The following COL7A1 variants were observed in gnomAD, a reference collection of about 807,000 sequenced individuals.
The protein encoded by COL7A1 is collagen alpha-1(VII) chain.
In COL7A1, 296 loss-of-function variants were observed where a neutral mutation model predicts 456.2. That is an observed-to-expected ratio of 0.65 (90% CI 0.59 to 0.71). COL7A1 has a LOEUF of 0.71. Among genes scored for constraint, COL7A1 ranks in the 30% least tolerant of loss-of-function variants. The pLI is 0.00. For synonymous variants in COL7A1, 1,464 were observed against 1,525.9 expected, an observed-to-expected ratio of 0.96 and a Z score of 0.95; for missense variants, 3,441 against 4,017.2, an observed-to-expected ratio of 0.86 and a Z score of 3.88.
chr3:48,574,582 A>G lies in COL7A1; in HGVS notation c.6394-32T>C, dbSNP rs2044162880. ...GCAGAGTGTCGTGCCCTGAGCCCCCAGTCCCTGCCACGTGCCCAGGTGCAT... is the reference window on the plus strand; with the variant it reads ...GCAGAGTGTCGTGCCCTGAGCCCCCGGTCCCTGCCACGTGCCCAGGTGCAT... On this transcript the variant is annotated intron_variant, in intron 78 of 118. Coordinates refer to ENST00000681320, the MANE Select transcript of COL7A1 (RefSeq NM_000094.4). This position sits in a 1 kb window ranked among gnomAD's most constrained non-coding sequence, Gnocchi z 5.0. 5.0e-6 allele frequency: 8 copies of G among 1,613,810 alleles called. No homozygotes were observed. Among genetic ancestry groups the G allele is most frequent in the South Asian group, 1.1e-5 (1 of 91,082 alleles).
chr3:48,583,746 A>G lies in COL7A1; in HGVS notation c.4313T>C (p.Val1438Ala), dbSNP rs756779858. 1.9e-6 allele frequency: 3 copies of G among 1,613,762 alleles called. No individual in the cohort carries two copies. In the South Asian group the frequency reaches 3.3e-5, roughly 18 times the overall value. Residue 1438 changes from valine (V) to alanine (A), a missense_variant, in exon 40 of 119, where the codon GTT becomes GCT. Val to Ala is a moderately conservative substitution (Grantham distance 64). Around this residue, in one of 3 missense-constraint regions of COL7A1, gnomAD observed 2,084 missense variants for 2,501.3 expected, o/e 0.83. Transcript: ENST00000681320. This position sits in a 1 kb window ranked among gnomAD's most constrained non-coding sequence, Gnocchi z 5.1. ...LPGSPGPQGPVGPPGKKGEKG... is the reference protein window; with the variant it reads ...LPGSPGPQGPAGPPGKKGEKG... ...TTCTCCTTTCTTTCCAGGGGGGCCA[A>G]CGGGGCCTTGGGGTCCAGGGCTTCC...
Position 48,581,922 on chromosome 3 carries a change from T to C in COL7A1, c.4657A>G (p.Lys1553Glu), listed in dbSNP as rs774414690. The C allele has an allele frequency of 1.2e-6, 2 of 1,614,070 alleles. No individual in the cohort carries two copies. Among genetic ancestry groups the C allele is most frequent in the Admixed American group, 1.7e-5 (1 of 60,028 alleles). ...CATACCAGGCTTACCTTTTCTCCTT[T>C]GGGTCCAGCAACAGCAGGTCCCTGA... ...AVVGPAVAGPKGEKGDVGPAG... is the reference protein window; with the variant it reads ...AVVGPAVAGPEGEKGDVGPAG... The change falls in exon 48 of 119, where the codon AAA becomes GAA. Residue 1553 changes from lysine to glutamate, a missense_variant. By Grantham distance (56) the Lys-to-Glu change is moderately conservative. Coordinates refer to ENST00000681320, the MANE Select transcript of COL7A1 (RefSeq NM_000094.4). The surrounding 1 kb of genome is among the most constrained non-coding windows in gnomAD (Gnocchi z 5.8).
chr3:48,573,163 GACTC>G lies in COL7A1; in HGVS notation c.6714+7_6714+10del. ...ACGGTGTCCCTACAGGGGCCACAGG[GACTC>G]ACTCACCACAAGGCCTGAAGGGCCG... is the stretch of plus-strand genomic sequence containing the variant. On this transcript the variant is annotated splice_region_variant and intron_variant, in intron 85 of 118. Coordinates refer to ENST00000681320, the MANE Select transcript of COL7A1 (RefSeq NM_000094.4). The surrounding 1 kb of genome is among the most constrained non-coding windows in gnomAD (Gnocchi z 5.5). 1 of 1,614,032 alleles carries G rather than the reference GACTC, an allele frequency of 6.2e-7. No individual in the cohort carries two copies. The highest frequency in any genetic ancestry group is 8.5e-7 in the Non-Finnish European group (1 of 1,179,950).
chr3:48,584,938 G>C lies in COL7A1; in HGVS notation c.3983C>G (p.Pro1328Arg). ...GTCCCCACGAGGGCCAGGCAACCCT[G>C]GAGAGCCCTGCAAATGGAGGCCAGA... is the stretch of plus-strand genomic sequence containing the variant. ...TPGAPGLKGS[P>R]GLPGPRGDPG... Residue 1328 changes from proline (P) to arginine (R), a missense_variant, in exon 34 of 119, where the codon CCA becomes CGA. By Grantham distance (103) the Pro-to-Arg change is moderately radical. Coordinates refer to ENST00000681320, the MANE Select transcript of COL7A1 (RefSeq NM_000094.4). The C allele has an allele frequency of 6.2e-7, 1 of 1,613,960 alleles. No homozygotes were observed. The highest frequency in any genetic ancestry group is 8.5e-7 in the Non-Finnish European group (1 of 1,180,004).
chr3:48,572,495 A>G lies in COL7A1; in HGVS notation c.6936+8T>C, dbSNP rs374882140. The G allele has an allele frequency of 1.1e-4, 170 of 1,611,448 alleles. No individual in the cohort carries two copies. Among genetic ancestry groups the G allele is most frequent in the African/African-American group, 1.0e-3 (75 of 74,118 alleles). On this transcript the variant is annotated splice_region_variant and intron_variant, in intron 89 of 118. Transcript: ENST00000681320. This position sits in a 1 kb window ranked among gnomAD's most constrained non-coding sequence, Gnocchi z 4.6. ...CCCCCCCTCACTGGCAGCCCCACAC[A>G]CACTCACCTTCTCTCCCTTTGCTCC... is the stretch of plus-strand genomic sequence containing the variant.
rs776599696 is a variant in COL7A1 at position 48,579,660 on chromosome 3, A to G, written c.5163T>C (p.Pro1721=). 6.2e-7 allele frequency: 1 copy of G among 1,613,646 alleles called. No homozygotes were observed. Among genetic ancestry groups the G allele is most frequent in the Non-Finnish European group, 8.5e-7 (1 of 1,179,978 alleles). ...GAGGACCCTCTTGTCCGCGGTCCCC[A>G]GGCTCTCCCTGTGGCAGAGATAAGC... ...TGPGAREKGE[P]GDRGQEGPRG... is the part of the protein sequence containing the mutation. The change falls in exon 59 of 119, where the codon CCT becomes CCC. Residue 1721 remains proline, a synonymous_variant. Coordinates refer to ENST00000681320, the MANE Select transcript of COL7A1 (RefSeq NM_000094.4). This position sits in a 1 kb window ranked among gnomAD's most constrained non-coding sequence, Gnocchi z 4.4.
Position 48,575,389 on chromosome 3 carries a change from G to A in COL7A1, c.6130C>T (p.Leu2044Phe), listed in dbSNP as rs756037004. 3.7e-6 allele frequency: 6 copies of A among 1,610,670 alleles called. No homozygotes were observed. Among genetic ancestry groups the A allele is most frequent in the Admixed American group, 3.3e-5 (2 of 59,880 alleles). The change falls in exon 74 of 119, where the codon CTC becomes TTC. Residue 2044 changes from leucine to phenylalanine, a missense_variant. Leu to Phe is a conservative substitution (Grantham distance 22). Coordinates refer to ENST00000681320, the MANE Select transcript of COL7A1 (RefSeq NM_000094.4). This position sits in a 1 kb window ranked among gnomAD's most constrained non-coding sequence, Gnocchi z 6.3. ...CCCACACCCCCAGCCCTGCCTGGGA[G>A]CCCGGGAATACCAGGCTTTCCAGGC... The part of the protein sequence containing the change: ...GEPGKPGIPG[L>F]PGRAGGVGEA...
In COL7A1 at chr3:48,568,861, G is replaced by T; in HGVS notation, c.7687-6C>A. 1 of 1,570,282 alleles carries T rather than the reference G, an allele frequency of 6.4e-7. No individual in the cohort carries two copies. The highest frequency in any genetic ancestry group is 2.3e-5 in the East Asian group (1 of 42,968). On this transcript the variant is annotated splice_region_variant and splice_polypyrimidine_tract_variant and intron_variant, in intron 103 of 118. Coordinates refer to ENST00000681320, the MANE Select transcript of COL7A1 (RefSeq NM_000094.4). This position sits in a 1 kb window ranked among gnomAD's most constrained non-coding sequence, Gnocchi z 5.2. ...CCAGGCTCTCCCTTGCTGCCCTGTG[G>T]GAGTGACCAGGAGAGGGATTCAGTC...
chr3:48,594,458 C>G lies in COL7A1; in HGVS notation c.176G>C (p.Ser59Thr), dbSNP rs1261970889. Residue 59 changes from serine (S) to threonine (T), a missense_variant, in exon 3 of 119, where the codon AGC (serine) becomes ACC (threonine). This residue lies in a region of COL7A1 where 913 missense variants were observed against 1,088.2 expected (regional missense o/e 0.84). Coordinates refer to ENST00000681320, the MANE Select transcript of COL7A1 (RefSeq NM_000094.4). This position sits in a 1 kb window ranked among gnomAD's most constrained non-coding sequence, Gnocchi z 5.5. ...IGRSNFREVRSFLEGLVLPFS... is the reference protein window; with the variant it reads ...IGRSNFREVRTFLEGLVLPFS... ...AGGCAGCACCAGCCCTTCGAGAAAG[C>G]TGCGGACCTCGCGGAAATTGCTGCG... 1 of 1,612,326 alleles carries G rather than the reference C, an allele frequency of 6.2e-7. No homozygotes were observed. Among genetic ancestry groups the G allele is most frequent in the South Asian group, 1.1e-5 (1 of 91,014 alleles).
intron 35 of COL7A1, 61 bp downstream of exon 35, chr3:48,584,673 T>A (rs1190627214): frequency 1.2e-6 from 2 of 1,613,102 alleles, no homozygotes; most frequent in African/African-American, 2.7e-5. Flanking sequence ...CAGGGTCTGG[T>A]GTGGGGCAGT....
Position 48,593,068 on chromosome 3 carries a change from T to G in COL7A1, c.682+34A>C. ...CAAGTGGGGATTGGGGTCCGGGGTC[T>G]AGGTCAGGGTACACCGTGTGGGCAG... is the stretch of plus-strand genomic sequence containing the variant. On this transcript the variant is annotated intron_variant, in intron 6 of 118. Transcript: ENST00000681320. This position sits in a 1 kb window ranked among gnomAD's most constrained non-coding sequence, Gnocchi z 4.4. 6.2e-7 allele frequency: 1 copy of G among 1,613,970 alleles called. No individual in the cohort carries two copies. Among genetic ancestry groups the G allele is most frequent in the East Asian group, 2.2e-5 (1 of 44,872 alleles).
chr3:48,585,540 A>G lies in COL7A1; in HGVS notation c.3894+17T>C. On this transcript the variant is annotated intron_variant, in intron 32 of 118. Coordinates refer to ENST00000681320, the MANE Select transcript of COL7A1 (RefSeq NM_000094.4). This position sits in a 1 kb window ranked among gnomAD's most constrained non-coding sequence, Gnocchi z 4.5. ...TGAGGAGTGCCTCAGAGAAACCTCG[A>G]TGGTCTCCACACTCACCCTCTCGCC... 6.2e-7 allele frequency: 1 copy of G among 1,613,538 alleles called. No individual in the cohort carries two copies. Among genetic ancestry groups the G allele is most frequent in the Non-Finnish European group, 8.5e-7 (1 of 1,179,926 alleles).
Position 48,566,375 on chromosome 3 carries a change from G to C in COL7A1, c.8359-60C>G. The C allele has an allele frequency of 6.2e-7, 1 of 1,601,340 alleles. No individual in the cohort carries two copies. The highest frequency in any genetic ancestry group is 8.5e-7 in the Non-Finnish European group (1 of 1,171,244). The stretch of plus-strand genomic sequence containing the variant: ...CCATGGCCCACAGGAAGGACATAGG[G>C]CACATAATACAGGGACTATGGTGAG... On this transcript the variant is annotated intron_variant, in intron 113 of 118. Transcript: ENST00000681320. The surrounding 1 kb of genome is among the most constrained non-coding windows in gnomAD (Gnocchi z 5.9).
Position 48,569,763 on chromosome 3 carries a change from A to G in COL7A1, c.7522-3T>C, listed in dbSNP as rs778203075. The G allele has an allele frequency of 1.2e-6, 2 of 1,613,898 alleles. No individual in the cohort carries two copies. The highest frequency in any genetic ancestry group is 1.7e-6 in the Non-Finnish European group (2 of 1,179,978). On this transcript the variant is annotated splice_region_variant and splice_polypyrimidine_tract_variant and intron_variant, in intron 100 of 118. Coordinates refer to ENST00000681320, the MANE Select transcript of COL7A1 (RefSeq NM_000094.4). The surrounding 1 kb of genome is among the most constrained non-coding windows in gnomAD (Gnocchi z 4.9). ...AGTCCTGCACTCCCAACATCACCCTATTGGGCAAAAGAGTGTGAGTCCCGC... is the reference window on the plus strand; with the variant it reads ...AGTCCTGCACTCCCAACATCACCCTGTTGGGCAAAAGAGTGTGAGTCCCGC...
rs778443262 is a variant in COL7A1, at chr3:48,582,654, CT to C, written c.4519-2del. 9 of 1,613,362 alleles carry C rather than the reference CT, an allele frequency of 5.6e-6. No individual in the cohort carries two copies. In the East Asian group the frequency reaches 2.0e-4, roughly 36 times the overall value. ...GACGTCCAGCAACCCCTGGCAGCCC[CT>C]GGAGGAGAGGAAGGGAAGAGCTGTG... On this transcript the variant is annotated splice_acceptor_variant, in intron 44 of 118. Coordinates refer to ENST00000681320, the MANE Select transcript of COL7A1 (RefSeq NM_000094.4). LOFTEE classifies it high-confidence loss of function.
In COL7A1 at chr3:48,566,444, G is replaced by A; in HGVS notation, c.8358+66C>T. On this transcript the variant is annotated intron_variant, in intron 113 of 118. Coordinates refer to ENST00000681320, the MANE Select transcript of COL7A1 (RefSeq NM_000094.4). This position sits in a 1 kb window ranked among gnomAD's most constrained non-coding sequence, Gnocchi z 5.9. ...CCAGGGGTCAGGGTGCTGGGTGAGG[G>A]AGGTAGGGCCCCAGCCCACCCAGGC... 2 of 1,607,596 alleles carry A rather than the reference G, an allele frequency of 1.2e-6. No individual in the cohort carries two copies. Among genetic ancestry groups the A allele is most frequent in the Non-Finnish European group, 1.7e-6 (2 of 1,174,798 alleles).
Position 48,566,093 on chromosome 3 carries a change from C to T in COL7A1, c.8407+174G>A, listed in dbSNP as rs2043592535. Among the ~76,000 whole-genome samples, 1 of 152,190 alleles carries T rather than the reference C, an allele frequency of 6.6e-6. No individual in the cohort carries two copies. Among genetic ancestry groups the T allele is most frequent in the African/African-American group, 2.4e-5 (1 of 41,444 alleles). On this transcript the variant is annotated intron_variant, in intron 114 of 118. Coordinates refer to ENST00000681320, the MANE Select transcript of COL7A1 (RefSeq NM_000094.4). This position sits in a 1 kb window ranked among gnomAD's most constrained non-coding sequence, Gnocchi z 5.9. ...TGGCAATCCTCATCTGCCTGTGTGT[C>T]TCCCTCCACTGGGGACACATGTCAT...
At chr3:48,589,046 G>A (rs2045503977) in intron 18 of COL7A1, 51 bp from the exon 19 acceptor site, 2 of 1,612,166 alleles carry the variant, frequency 1.2e-6, no homozygotes, top group Non-Finnish European at 1.7e-6. Context: ...GAGAGGCAGT[G>A]CAGGAATGGT....
rs989893662 is a variant in COL7A1, at chr3:48,581,723, C to T, written c.4705G>A (p.Gly1569Arg). 6.8e-6 allele frequency: 11 copies of T among 1,614,074 alleles called. No individual in the cohort carries two copies. Among genetic ancestry groups the T allele is most frequent in the Non-Finnish European group, 6.8e-6 (8 of 1,180,012 alleles). Residue 1569 changes from glycine (G) to arginine (R), a missense_variant, in exon 49 of 119, where the codon GGA (glycine) becomes AGA (arginine). Physicochemically the swap from Gly to Arg is moderately radical, Grantham distance 125. Around this residue, in one of 3 missense-constraint regions of COL7A1, gnomAD observed 2,084 missense variants for 2,501.3 expected, o/e 0.83. Transcript: ENST00000681320. This position sits in a 1 kb window ranked among gnomAD's most constrained non-coding sequence, Gnocchi z 5.8. ...TCACTTACCCGTTCCCCTTGGACTC[C>T]GGTAGCTCCTCTGGGCCCAGCGGGC... is the stretch of plus-strand genomic sequence containing the variant. ...VGPAGPRGAT[G>R]VQGERGPPGL...
Sources: allele counts gnomAD v4.1 joint callset (sites outside exome capture counted in the v4.1 genomes callset), GRCh38; gene constraint gnomAD v4.1.1; regional missense constraint gnomAD v4.1.1; non-coding constraint Gnocchi (gnomAD v3.1); transcripts MANE v1.5; gene names NCBI Gene and HGNC (gene_info 2026-07-23, HGNC 2026-07-21).